CHD9: variants seen among roughly 807,000 people sequenced by gnomAD.
The protein encoded by CHD9 is ATP-dependent chromatin remodeler CHD9.
CHD9 carries 77 observed loss-of-function variants against 316.1 expected under a neutral mutation model. The observed-to-expected ratio is 0.24, with a 90% CI of 0.20 to 0.29. CHD9 has a LOEUF of 0.29. CHD9 is among the 10% of genes least tolerant of loss of function. The pLI, the probability that CHD9 is intolerant of heterozygous loss-of-function variation, is 1.00. For synonymous variants in CHD9, 1,129 were observed against 1,158.3 expected, an observed-to-expected ratio of 0.97 and a Z score of 0.51; for missense variants, 2,763 against 3,438.1, an observed-to-expected ratio of 0.80 and a Z score of 4.91.
intron 29 of CHD9, among the ~76,000 whole-genome samples, chr16:53,294,715 C>T (rs903186073): frequency 3.3e-5 from 5 of 152,140 alleles, no homozygotes; most frequent in Non-Finnish European, 5.9e-5. Flanking sequence ...CAGAAAAAGC[C>T]ACAAGGCCAG....
intron 1 of CHD9, among the ~76,000 whole-genome samples, chr16:53,076,299 G>A (rs969205915): frequency 9.9e-5 from 15 of 152,208 alleles, no homozygotes; most frequent in African/African-American, 3.6e-4. Context: ...ATTAGGCTGG[G>A]TGTGATGGCT....
chr16:53,117,426 A>ATT (rs570838401), intron 1 of CHD9, among the ~76,000 whole-genome samples: 39 of 144,806 alleles, frequency 2.7e-4, no homozygotes, highest in Admixed American at 8.3e-4. Flanking sequence ...ATATATATAT[A>ATT]TTTTTGGAAA....
At chr16:53,089,424 C>T (rs2035748148) in intron 1 of CHD9, among the ~76,000 whole-genome samples, 1 of 152,250 alleles carries the variant, frequency 6.6e-6, no homozygotes, top group African/African-American at 2.4e-5. Context: ...TCTCCTATCT[C>T]ATGGAGCATT....
In CHD9 at chr16:53,207,487, T is replaced by G. The variant is rs142047141; in HGVS notation, c.1453-1995T>G. 2.3e-3 allele frequency among the ~76,000 whole-genome samples: 349 copies of G among 152,330 alleles called. 3 individuals carry two copies. Among genetic ancestry groups the G allele is most frequent in the African/African-American group, 7.7e-3 (322 of 41,568 alleles). On this transcript the variant is annotated intron_variant, in intron 2 of 38. Transcript: ENST00000447540. Reference sequence around the variant, plus strand: ...AGTTCTCATTTGTTCATTTCAAAATTTTAAGCTTCTTTTTATAATTCAAAT... The same window carrying G: ...AGTTCTCATTTGTTCATTTCAAAATGTTAAGCTTCTTTTTATAATTCAAAT...
chr16:53,194,044 C>G (rs1413298365), intron 2 of CHD9, among the ~76,000 whole-genome samples: 1 of 152,062 alleles, frequency 6.6e-6, no homozygotes, highest in Non-Finnish European at 1.5e-5. Context: ...CTCTTGACAA[C>G]TAGATCAGTA....
At chr16:53,074,293 A>C (rs1340414328) in intron 1 of CHD9, among the ~76,000 whole-genome samples, 1 of 152,204 alleles carries the variant, frequency 6.6e-6, no homozygotes, top group Non-Finnish European at 1.5e-5. Context: ...AAAGGCATTC[A>C]GTTTTAAAAG....
chr16:53,226,239 A>C, intron 4 of CHD9, 127 bp from the exon 5 acceptor site: 1 of 563,068 alleles, frequency 1.8e-6, no homozygotes, highest in Non-Finnish European at 2.9e-6. Flanking sequence ...CAAAATAGGA[A>C]AAGATAGTAC....
intron 1 of CHD9, chr16:53,121,374 G>A (rs2038727899): frequency 2.2e-6 from 1 of 455,954 alleles, no homozygotes; most frequent in Non-Finnish European, 4.4e-6. Flanking sequence ...AGATGCTCGG[G>A]GATATTTTAT....
At chr16:53,055,766 A>G (rs1359994606) in intron 1 of CHD9, among the ~76,000 whole-genome samples, 1 of 152,022 alleles carries the variant, frequency 6.6e-6, no homozygotes, top group Non-Finnish European at 1.5e-5. Context: ...CCAAGATAAC[A>G]AACTAACCAT....
rs113575646 is a variant in CHD9 at position 53,324,577 on chromosome 16, T to C, written c.8376T>C (p.Ala2792=). Residue 2792 remains alanine (A), a synonymous_variant, in exon 39 of 39, where the codon GCT becomes GCC. Coordinates refer to ENST00000447540, the MANE Select transcript of CHD9 (RefSeq NM_001308319.2). ...LNTAAAANPL[A]LNPLLLSNIL... ...CAGCTGCAGCTGCCAACCCATTAGC[T>C]CTTAACCCACTATTACTATCTAATA... 26,487 of 1,613,706 alleles carry C rather than the reference T, an allele frequency of 0.016. 274 individuals are homozygous for C. The highest frequency in any genetic ancestry group is 0.02 in the Non-Finnish European group (23,840 of 1,179,786).
chr16:53,188,017 C>T (rs2044175514), intron 2 of CHD9, among the ~76,000 whole-genome samples: 1 of 152,188 alleles, frequency 6.6e-6, no homozygotes, highest in Non-Finnish European at 1.5e-5. Flanking sequence ...TTCCTAACAC[C>T]CTAACCCTAG....
intron 2 of CHD9, among the ~76,000 whole-genome samples, chr16:53,182,253 G>A (rs909517219): frequency 2.0e-5 from 3 of 152,036 alleles, no homozygotes; most frequent in African/African-American, 7.2e-5. Flanking sequence ...GGAATGCAGT[G>A]GCTTAATCAT....
At chr16:53,165,847 T>C (rs962142759) in intron 2 of CHD9, among the ~76,000 whole-genome samples, 4 of 152,160 alleles carry the variant, frequency 2.6e-5, no homozygotes, top group Admixed American at 2.6e-4. Context: ...CACTTGTCAC[T>C]CTACTTTTGC....
chr16:53,165,353 T>G (rs1009945604), intron 2 of CHD9, among the ~76,000 whole-genome samples: 4 of 152,192 alleles, frequency 2.6e-5, no homozygotes, highest in Non-Finnish European at 5.9e-5. Flanking sequence ...TGACAAGTCC[T>G]CCACTATCCA....
intron 2 of CHD9, among the ~76,000 whole-genome samples, chr16:53,179,998 T>C (rs2043370163): frequency 6.6e-6 from 1 of 151,674 alleles, no homozygotes; most frequent in Admixed American, 6.6e-5. Context: ...TGAGTTTCTC[T>C]AGGAAGTTCT....
At position 53,325,135 on chromosome 16, in the gene CHD9, T is replaced by C. The variant is rs936345210; in HGVS notation, c.*240T>C. On this transcript the variant is annotated 3_prime_UTR_variant, in exon 39 of 39. Transcript: ENST00000447540. ...GGTGTAAAATTACAACAAAAGGCATTATAATTTTGTTGGGGGTTAATTTTA... is the reference window on the plus strand; with the variant it reads ...GGTGTAAAATTACAACAAAAGGCATCATAATTTTGTTGGGGGTTAATTTTA... 5.8e-6 allele frequency: 2 copies of C among 342,168 alleles called. No homozygotes were observed. Among genetic ancestry groups the C allele is most frequent in the Non-Finnish European group, 1.1e-5 (2 of 188,586 alleles). The allele number at this position is 342,168 out of a possible 1,614,324, so 21.2% of individuals were successfully genotyped here. A position where few individuals can be genotyped will look rare whatever the true frequency, so the allele number is the denominator to read the frequency against.
At chr16:53,243,377 G>A (rs893701948) in intron 13 of CHD9, among the ~76,000 whole-genome samples, 2 of 152,048 alleles carry the variant, frequency 1.3e-5, no homozygotes, top group African/African-American at 2.4e-5. Flanking sequence ...GCAGTGGTGC[G>A]GTCTCCACTC....
intron 35 of CHD9, 93 bp downstream of exon 35, chr16:53,314,609 T>G: frequency 8.9e-7 from 1 of 1,121,698 alleles, no homozygotes; most frequent in Non-Finnish European, 1.2e-6. Context: ...TTTTATAGAC[T>G]ATTAGTAAGG....
At chr16:53,170,889 C>T (rs1400960151) in intron 2 of CHD9, among the ~76,000 whole-genome samples, 1 of 151,944 alleles carries the variant, frequency 6.6e-6, no homozygotes, top group Non-Finnish European at 1.5e-5. Context: ...AAATAATACA[C>T]TATGTTAGGC....
Sources: gnomAD v4.1 joint callset for allele counts (sites outside exome capture counted in the v4.1 genomes callset) on GRCh38, gnomAD v4.1.1 for gene constraint, MANE v1.5 for transcripts, NCBI Gene and HGNC (gene_info 2026-07-23, HGNC 2026-07-21) for gene names.